Variants in CYP19A1 observed in about 807,000 individuals in gnomAD.
CYP19A1 encodes aromatase.
In CYP19A1, 32 loss-of-function variants were observed where a neutral mutation model predicts 44.4. That is an observed-to-expected ratio of 0.72 (90% CI 0.54 to 0.97). CYP19A1 has a LOEUF of 0.97. CYP19A1 is among the 50% of genes least tolerant of loss of function. The pLI is 0.00. For synonymous variants in CYP19A1, 212 were observed against 215.6 expected (o/e 0.98, Z 0.14); for missense variants, 598 against 637.8 (o/e 0.94, Z 0.67).
chr15:51,278,992 C>T (rs1159393060), intron 1 of CYP19A1: 1 of 152,172 alleles, frequency 6.6e-6, no homozygotes, highest in Non-Finnish European at 1.5e-5. Context: ...AGCTTCTTAA[C>T]AGGTAGGATG....
chr15:51,309,127 G>T (rs192067246), intron 1 of CYP19A1, among the ~76,000 whole-genome samples: 2 of 152,304 alleles, frequency 1.3e-5, no homozygotes, highest in East Asian at 3.9e-4. Flanking sequence ...TATGTGGTGG[G>T]ACCTTTTGAG....
intron 1 of CYP19A1, among the ~76,000 whole-genome samples, chr15:51,263,599 AG>A (rs2034810060): frequency 6.6e-6 from 1 of 152,140 alleles, no homozygotes; most frequent in East Asian, 1.9e-4. Context: ...TGGAAAAGAG[AG>A]GGTATAGCTG....
intron 1 of CYP19A1, among the ~76,000 whole-genome samples, chr15:51,269,332 T>C (rs1372490879): frequency 1.3e-5 from 2 of 152,178 alleles, no homozygotes; most frequent in East Asian, 3.8e-4. Flanking sequence ...TGGCAATATA[T>C]GCATGGGTCT....
chr15:51,251,902 C>T (rs761029551), intron 1 of CYP19A1, among the ~76,000 whole-genome samples: 26 of 152,168 alleles, frequency 1.7e-4, no homozygotes, highest in Non-Finnish European at 2.4e-4. Context: ...CCTCTCTGGA[C>T]GTCCATTTCC....
intron 5 of CYP19A1, 114 bp from the exon 6 acceptor site, chr15:51,218,769 G>A: frequency 6.6e-7 from 1 of 1,516,952 alleles, no homozygotes; most frequent in East Asian, 2.5e-5. Context: ...ACAGTCTGGG[G>A]GTTCTAAGCT....
At chr15:51,298,676 C>T (rs918787816) in intron 1 of CYP19A1, among the ~76,000 whole-genome samples, 2 of 152,224 alleles carry the variant, frequency 1.3e-5, no homozygotes, top group African/African-American at 4.8e-5. Flanking sequence ...GCCCATCAAT[C>T]ATGTTTAGCA....
At chr15:51,333,862 A>T (rs2036738336) in intron 1 of CYP19A1, among the ~76,000 whole-genome samples, 1 of 151,952 alleles carries the variant, frequency 6.6e-6, no homozygotes, top group African/African-American at 2.4e-5. Context: ...CTAGCTTGTT[A>T]CTCTGCCTTT....
intron 1 of CYP19A1, among the ~76,000 whole-genome samples, chr15:51,338,059 G>C (rs1448416835): frequency 6.6e-6 from 1 of 152,084 alleles, no homozygotes; most frequent in Non-Finnish European, 1.5e-5. Flanking sequence ...CAGCTTCTTG[G>C]CCTGAAGTTG....
intron 1 of CYP19A1, among the ~76,000 whole-genome samples, chr15:51,259,511 T>A (rs773893358): frequency 5.3e-5 from 8 of 152,162 alleles, no homozygotes; most frequent in African/African-American, 7.2e-5. Flanking sequence ...TGTAAGCTTT[T>A]CTTGTTGAGT....
intron 1 of CYP19A1, among the ~76,000 whole-genome samples, chr15:51,305,064 T>G (rs1253485927): frequency 1.3e-5 from 2 of 151,958 alleles, no homozygotes; most frequent in African/African-American, 4.8e-5. Context: ...CACGCCCAGC[T>G]AATTTTTGTA....
chr15:51,254,264 A>AT (rs67517378), intron 1 of CYP19A1, among the ~76,000 whole-genome samples: 1 of 151,940 alleles, frequency 6.6e-6, no homozygotes, highest in African/African-American at 2.4e-5. Flanking sequence ...TAATTTTAAA[A>AT]TTTTTCATCT....
At chr15:51,316,388 G>C (rs1227018234) in intron 1 of CYP19A1, among the ~76,000 whole-genome samples, 1 of 152,146 alleles carries the variant, frequency 6.6e-6, no homozygotes, top group East Asian at 1.9e-4. Context: ...AAATTGGGCT[G>C]TTTTCAACCT....
chr15:51,288,980 T>G (rs543201025), intron 1 of CYP19A1, among the ~76,000 whole-genome samples: 1 of 152,354 alleles, frequency 6.6e-6, no homozygotes, highest in Non-Finnish European at 1.5e-5. Flanking sequence ...CTGACCTCCT[T>G]CTTGCAGTGC....
At chr15:51,213,029 T>TA (rs1379904481) in intron 8 of CYP19A1, among the ~76,000 whole-genome samples, 1 of 152,208 alleles carries the variant, frequency 6.6e-6, no homozygotes, top group Non-Finnish European at 1.5e-5. Context: ...TCTCTTCACT[T>TA]ACGAGCAAAC....
At chr15:51,234,246 A>G (rs1395273122) in intron 3 of CYP19A1, among the ~76,000 whole-genome samples, 3 of 152,268 alleles carry the variant, frequency 2.0e-5, no homozygotes, top group East Asian at 3.9e-4. Context: ...GCCTTTAACA[A>G]CAAAATTGAA....
At chr15:51,232,924 C>T (rs1043132329) in intron 3 of CYP19A1, among the ~76,000 whole-genome samples, 3 of 152,200 alleles carry the variant, frequency 2.0e-5, no homozygotes, top group Admixed American at 6.5e-5. Context: ...GGGTAAAAGC[C>T]GGAATTGTTA....
chr15:51,231,933 G>A (rs539657388), intron 3 of CYP19A1, among the ~76,000 whole-genome samples: 1 of 152,024 alleles, frequency 6.6e-6, no homozygotes, highest in South Asian at 2.1e-4. Context: ...CCCTATTCAA[G>A]GCCAACCCAT....
intron 1 of CYP19A1, among the ~76,000 whole-genome samples, chr15:51,249,819 G>A (rs1566894924): frequency 6.6e-6 from 1 of 152,174 alleles, no homozygotes; most frequent in Non-Finnish European, 1.5e-5. Context: ...AAGGTCACTT[G>A]TCAATAGTTA....
rs918119816 is a variant in CYP19A1 at position 51,210,401 on chromosome 15, G to A, written c.*407C>T. On this transcript the variant is annotated 3_prime_UTR_variant, in exon 10 of 10. Coordinates refer to ENST00000396402, the MANE Select transcript of CYP19A1 (RefSeq NM_000103.4). ...GCCCCAGGTACCCTGACATTGGCCTGGTCTTTCTAATCAACTTGAGTGTTT... is the reference window on the plus strand; with the variant it reads ...GCCCCAGGTACCCTGACATTGGCCTAGTCTTTCTAATCAACTTGAGTGTTT... 4 of 506,396 alleles carry A rather than the reference G, an allele frequency of 7.9e-6. No individual in the cohort carries two copies. The highest frequency in any genetic ancestry group is 5.7e-5 in the African/African-American group (3 of 52,302). 31.4% of individuals were successfully genotyped at this position (506,396 alleles called of 1,614,324 possible).
Sources: allele counts gnomAD v4.1 joint callset (sites outside exome capture counted in the v4.1 genomes callset), GRCh38; gene constraint gnomAD v4.1.1; transcripts MANE v1.5; gene names NCBI Gene and HGNC (gene_info 2026-07-23, HGNC 2026-07-21).